PTPN12: variants seen among roughly 807,000 people sequenced by gnomAD.
The protein encoded by PTPN12 is tyrosine-protein phosphatase non-receptor type 12.
Under a neutral mutation model 97.6 loss-of-function variants are expected in PTPN12, and 29 were observed. The observed-to-expected ratio is 0.30, with a 90% confidence interval of 0.22 to 0.41. The LOEUF is 0.41. Ranked by LOEUF, PTPN12 falls within the 10% of genes least tolerant of loss-of-function variation. The pLI is 1.00. For synonymous variants in PTPN12, 327 were observed against 300.4 expected (o/e 1.09, Z -0.91); for missense variants, 819 against 926.0 (o/e 0.88, Z 1.50).
chr7:77,552,139 CAG>C (rs1450411271), intron 1 of PTPN12, among the ~76,000 whole-genome samples: 1 of 152,150 alleles, frequency 6.6e-6, no homozygotes, highest in Non-Finnish European at 1.5e-5. Flanking sequence ...TTTTAAGAAA[CAG>C]AGTCTGTCTC....
chr7:77,593,263 CCA>C (rs1562735009), intron 6 of PTPN12, among the ~76,000 whole-genome samples: 2 of 91,098 alleles, frequency 2.2e-5, no homozygotes, highest in Non-Finnish European at 4.0e-5. Context: ...GGGTGAAACT[CCA>C]TCTCAAAAAA....
intron 1 of PTPN12, among the ~76,000 whole-genome samples, chr7:77,568,196 G>A (rs1011746914): frequency 1.1e-4 from 17 of 152,060 alleles, no homozygotes; most frequent in African/African-American, 3.9e-4. Flanking sequence ...TAAGAAAACT[G>A]GATAAATGAA....
chr7:77,621,214 C>T (rs1396285751), intron 12 of PTPN12, among the ~76,000 whole-genome samples: 2 of 152,080 alleles, frequency 1.3e-5, no homozygotes, highest in Non-Finnish European at 2.9e-5. Context: ...TGCCTTCTGC[C>T]TCCATATCTT....
rs150099265 is a variant in PTPN12 at position 77,537,614 on chromosome 7, A to G, written c.68A>G (p.Asn23Ser). The change falls in exon 1 of 18, where the codon AAT (asparagine) becomes AGT (serine). Residue 23 changes from asparagine (N) to serine (S), a missense_variant. Coordinates refer to ENST00000248594, the MANE Select transcript of PTPN12 (RefSeq NM_002835.4). The part of the protein sequence containing the change: ...RVQAMKSPDH[N>S]GEDNFARDFM... The stretch of plus-strand genomic sequence containing the variant: ...CAGGCCATGAAGAGTCCTGACCACA[A>G]TGGGGAGGACAACTTCGCCCGGGAC... The G allele has an allele frequency of 3.8e-5, 61 of 1,603,916 alleles. 1 individual carries two copies. In the South Asian group the frequency reaches 3.9e-4, roughly 10 times the overall value.
chr7:77,586,490 G>C (rs1043211200), intron 5 of PTPN12, among the ~76,000 whole-genome samples: 2 of 152,122 alleles, frequency 1.3e-5, no homozygotes, highest in Non-Finnish European at 2.9e-5. Context: ...AGGTGGAGGT[G>C]GGAGGATCAC....
At chr7:77,544,208 G>A (rs1807118104) in intron 1 of PTPN12, among the ~76,000 whole-genome samples, 1 of 152,098 alleles carries the variant, frequency 6.6e-6, no homozygotes, top group African/African-American at 2.4e-5. Flanking sequence ...CATCCTACTG[G>A]GTGTGAAGTG....
rs145024940 is a variant in PTPN12, at chr7:77,553,851, AT to A, written c.99+16217del. Among the ~76,000 whole-genome samples, 970 of 145,170 alleles carry A rather than the reference AT, an allele frequency of 6.7e-3. 6 individuals are homozygous for A. The highest frequency in any genetic ancestry group is 0.038 in the Middle Eastern group (11 of 288). On this transcript the variant is annotated intron_variant, in intron 1 of 17. Coordinates refer to ENST00000248594, the MANE Select transcript of PTPN12 (RefSeq NM_002835.4). ...TCTGTTGTCATTGTTCTTTGTTCCTATTTTTTTTTTTGTCTTCCACTGTTTT... is the reference window on the plus strand; with the variant it reads ...TCTGTTGTCATTGTTCTTTGTTCCTATTTTTTTTTTGTCTTCCACTGTTTT...
At chr7:77,629,570 AAACCAAAAAACCATT>A (rs1789325806) in intron 13 of PTPN12, among the ~76,000 whole-genome samples, 1 of 151,948 alleles carries the variant, frequency 6.6e-6, no homozygotes, top group Admixed American at 6.6e-5. Flanking sequence ...TTTTTAAAAA[AAACCAAAAAACCATT>A]ACTGGAAATA....
intron 1 of PTPN12, among the ~76,000 whole-genome samples, chr7:77,564,746 G>GGTTTTTTTTTTTTTTTTT (rs1808162192): frequency 2.2e-5 from 1 of 45,370 alleles, no homozygotes; most frequent in African/African-American, 9.0e-5. Flanking sequence ...TTGTTGTCGT[G>GGTTTTTTTTTTTTTTTTT]TTTTTTTTTT....
chr7:77,627,817 T>C, intron 13 of PTPN12, 142 bp downstream of exon 13: 1 of 764,012 alleles, frequency 1.3e-6, no homozygotes. Flanking sequence ...GATACTAATT[T>C]TTTAATATAA....
At chr7:77,599,032 A>G (rs1482392741) in intron 7 of PTPN12, among the ~76,000 whole-genome samples, 1 of 151,344 alleles carries the variant, frequency 6.6e-6, no homozygotes, top group Non-Finnish European at 1.5e-5. Context: ...TTAGTTACGA[A>G]GATGAAATGA....
chr7:77,574,495 A>G (rs571449393), intron 2 of PTPN12, among the ~76,000 whole-genome samples: 19 of 152,168 alleles, frequency 1.2e-4, no homozygotes, highest in Non-Finnish European at 2.1e-4. Context: ...TAAAGCCTTC[A>G]CTAGGGTGAT....
chr7:77,627,493 A>T lies in PTPN12; in HGVS notation c.1814A>T (p.Asp605Val). 1 of 1,613,516 alleles carries T rather than the reference A, an allele frequency of 6.2e-7. No individual in the cohort carries two copies. The highest frequency in any genetic ancestry group is 8.5e-7 in the Non-Finnish European group (1 of 1,179,492). ...TTTACTAATCCACTTCACTCTGATGACTCAGACTCAGATGAAAGAAACTCT... is the reference window on the plus strand; with the variant it reads ...TTTACTAATCCACTTCACTCTGATGTCTCAGACTCAGATGAAAGAAACTCT... ...LSFTNPLHSD[D>V]SDSDERNSDG... is the part of the protein sequence containing the mutation. Residue 605 changes from aspartate (D) to valine (V), a missense_variant, in exon 13 of 18, where the codon GAC becomes GTC. Around this residue, in one of 5 missense-constraint regions of PTPN12, gnomAD observed 607 missense variants for 577.3 expected, o/e 1.05. Transcript: ENST00000248594.
chr7:77,618,698 C>A, intron 12 of PTPN12, 133 bp downstream of exon 12: 1 of 603,540 alleles, frequency 1.7e-6, no homozygotes, highest in Non-Finnish European at 2.7e-6. Context: ...ATGTAACATA[C>A]GTATGACAAC....
At chr7:77,556,162 G>A (rs1301283699) in intron 1 of PTPN12, among the ~76,000 whole-genome samples, 2 of 152,118 alleles carry the variant, frequency 1.3e-5, no homozygotes, top group African/African-American at 4.8e-5. Flanking sequence ...CTGGGCTCAA[G>A]CAATCCTCCC....
intron 7 of PTPN12, 32 bp from the exon 8 acceptor site, chr7:77,600,632 T>G (rs761365463): frequency 6.5e-7 from 1 of 1,546,730 alleles, no homozygotes; most frequent in South Asian, 1.2e-5. Context: ...CAAAGTATTT[T>G]CATAATTGTT....
chr7:77,543,416 C>T (rs1807078563), intron 1 of PTPN12, among the ~76,000 whole-genome samples: 1 of 148,100 alleles, frequency 6.8e-6, no homozygotes, highest in Non-Finnish European at 1.5e-5. Flanking sequence ...TGTATATCCT[C>T]TTTAGCCTGG....
intron 12 of PTPN12, among the ~76,000 whole-genome samples, chr7:77,625,344 C>T (rs1287194508): frequency 6.6e-6 from 1 of 150,880 alleles, no homozygotes; most frequent in East Asian, 2.0e-4. Context: ...TTGACCTCCC[C>T]AGGCTCAGGT....
intron 1 of PTPN12, among the ~76,000 whole-genome samples, chr7:77,546,818 G>T (rs886468125): frequency 6.6e-6 from 1 of 152,192 alleles, no homozygotes; most frequent in African/African-American, 2.4e-5. Context: ...TTCTTCACAA[G>T]GTGGCAGGAA....
Sources: allele counts gnomAD v4.1 joint callset (sites outside exome capture counted in the v4.1 genomes callset), GRCh38; gene constraint gnomAD v4.1.1; regional missense constraint gnomAD v4.1.1; transcripts MANE v1.5; gene names NCBI Gene and HGNC (gene_info 2026-07-23, HGNC 2026-07-21).